YAP1: variants seen among roughly 807,000 people sequenced by gnomAD.
YAP1 encodes the protein transcriptional coactivator YAP1.
Under a neutral mutation model 56.9 loss-of-function variants are expected in YAP1, and 5 were observed. The observed-to-expected ratio is 0.09, with a 90% CI of 0.05 to 0.18. The LOEUF is 0.18. Among genes scored for constraint, YAP1 ranks in the 10% least tolerant of loss-of-function variants. The pLI is 1.00. For synonymous variants in YAP1, 265 were observed against 248.1 expected (o/e 1.07, Z -0.64); for missense variants, 539 against 651.8 (o/e 0.83, Z 1.88).
chr11:102,143,871 T>G (rs1945166813), intron 2 of YAP1, among the ~76,000 whole-genome samples: 1 of 152,224 alleles, frequency 6.6e-6, no homozygotes, highest in Non-Finnish European at 1.5e-5. Flanking sequence ...TGTCATAACC[T>G]CCTTAATGGA....
intron 2 of YAP1, among the ~76,000 whole-genome samples, chr11:102,144,615 T>A (rs1289457356): frequency 3.3e-5 from 5 of 152,212 alleles, no homozygotes; most frequent in African/African-American, 1.2e-4. Flanking sequence ...CTGAGTTGTG[T>A]GCTTGTAGAT....
At chr11:102,202,568 GA>G (rs1378793342) in intron 4 of YAP1, among the ~76,000 whole-genome samples, 1 of 151,712 alleles carries the variant, frequency 6.6e-6, no homozygotes, top group Admixed American at 6.6e-5. Context: ...AAAAGGGAAT[GA>G]ATCAAACATT....
intron 3 of YAP1, among the ~76,000 whole-genome samples, chr11:102,166,304 C>T (rs2135418167): frequency 6.6e-6 from 1 of 152,298 alleles, no homozygotes; most frequent in Non-Finnish European, 1.5e-5. Context: ...ATTACATACA[C>T]TTGTCTGTTG....
At position 102,218,046 on chromosome 11, in the gene YAP1, A is replaced by C. The variant is rs375941571; in HGVS notation, c.1033-5576A>C. Reference sequence around the variant, plus strand: ...TAGTGGCAGCTTCACAGGTGTACACACATGTCAAAACTCATCAATTTATGC... The same window carrying C: ...TAGTGGCAGCTTCACAGGTGTACACCCATGTCAAAACTCATCAATTTATGC... On this transcript the variant is annotated intron_variant, in intron 6 of 8. Coordinates refer to ENST00000282441, the MANE Select transcript of YAP1 (RefSeq NM_001130145.3). Among the ~76,000 whole-genome samples the C allele has an allele frequency of 1.3e-4, 20 of 152,312 alleles. No individual in the cohort carries two copies. In the East Asian group the frequency reaches 2.1e-3, roughly 16 times the overall value.
intron 2 of YAP1, among the ~76,000 whole-genome samples, chr11:102,154,583 A>G (rs769486276): frequency 2.0e-5 from 3 of 152,158 alleles, no homozygotes; most frequent in Non-Finnish European, 2.9e-5. Flanking sequence ...ATGGGTGACT[A>G]TTGCAAGAAT....
intron 2 of YAP1, among the ~76,000 whole-genome samples, chr11:102,147,169 C>T (rs887675676): frequency 2.6e-5 from 4 of 152,144 alleles, no homozygotes; most frequent in African/African-American, 4.8e-5. Flanking sequence ...CCAAAGTCCA[C>T]GTAACCACTG....
chr11:102,177,675 CAAAA>C (rs1022433513), intron 3 of YAP1, among the ~76,000 whole-genome samples: 9 of 54,992 alleles, frequency 1.6e-4, no homozygotes, highest in Non-Finnish European at 2.0e-4. Context: ...GACTCGGTCT[CAAAA>C]AAAAAAAAAA....
At position 102,159,433 on chromosome 11, in the gene YAP1, T is replaced by G. The variant is rs147310033; in HGVS notation, c.573-3023T>G. Among the ~76,000 whole-genome samples the G allele has an allele frequency of 7.3e-3, 1,109 of 152,370 alleles. 13 individuals are homozygous for G. Among genetic ancestry groups the G allele is most frequent in the African/African-American group, 0.025 (1,057 of 41,584 alleles). ...TCCTTGCCTTCAAACCTGTGGCATC[T>G]ACCTACTGCATCTCTTCATTACTTA... is the stretch of plus-strand genomic sequence containing the variant. On this transcript the variant is annotated intron_variant, in intron 2 of 8. Coordinates refer to ENST00000282441, the MANE Select transcript of YAP1 (RefSeq NM_001130145.3).
At position 102,147,841 on chromosome 11, in the gene YAP1, A is replaced by G. The variant is rs182659530; in HGVS notation, c.573-14615A>G. ...AACATTTCGTAACCATGTACATATT[A>G]CTTAATATTAACCACACCATTTCTC... On this transcript the variant is annotated intron_variant, in intron 2 of 8. Coordinates refer to ENST00000282441, the MANE Select transcript of YAP1 (RefSeq NM_001130145.3). Among the ~76,000 whole-genome samples, 48 of 152,284 alleles carry G rather than the reference A, an allele frequency of 3.2e-4. 3 individuals carry two copies. The East Asian group carries it at 5.2e-3, about 16-fold the overall frequency.
chr11:102,149,498 C>T (rs1945502927), intron 2 of YAP1, among the ~76,000 whole-genome samples: 1 of 152,132 alleles, frequency 6.6e-6, no homozygotes, highest in Non-Finnish European at 1.5e-5. Flanking sequence ...GAAAGACTAA[C>T]ATCAGTTATG....
At chr11:102,155,952 C>T (rs914556716) in intron 2 of YAP1, among the ~76,000 whole-genome samples, 4 of 152,266 alleles carry the variant, frequency 2.6e-5, no homozygotes, top group African/African-American at 9.6e-5. Context: ...GTCTTCCTTC[C>T]TGGTCCTTGG....
intron 2 of YAP1, among the ~76,000 whole-genome samples, chr11:102,139,278 G>T (rs1196742618): frequency 1.3e-5 from 2 of 151,820 alleles, no homozygotes; most frequent in African/African-American, 4.8e-5. Context: ...TAGTGGAGTT[G>T]TATTGGGTCT....
chr11:102,140,022 T>C (rs571002691), intron 2 of YAP1, among the ~76,000 whole-genome samples: 33 of 152,338 alleles, frequency 2.2e-4, no homozygotes, highest in African/African-American at 7.9e-4. Flanking sequence ...TAATCTGCTC[T>C]GGATAATATT....
intron 6 of YAP1, among the ~76,000 whole-genome samples, chr11:102,209,849 A>G (rs539581375): frequency 6.6e-6 from 1 of 152,320 alleles, no homozygotes; most frequent in Admixed American, 6.5e-5. Context: ...TGTACATCCT[A>G]TCAGCTAGGT....
At chr11:102,188,607 C>T (rs11225156) in intron 4 of YAP1, among the ~76,000 whole-genome samples, 46,550 of 151,938 alleles carry the variant, frequency 0.31, 7,539 homozygotes, top group East Asian at 0.41. Flanking sequence ...AAATACTACC[C>T]GTTGTGCTAC....
chr11:102,202,243 T>C (rs1283415555), intron 4 of YAP1, among the ~76,000 whole-genome samples: 1 of 151,590 alleles, frequency 6.6e-6, no homozygotes, highest in Non-Finnish European at 1.5e-5. Context: ...CAGTGCAACC[T>C]CTGTCTGCCT....
chr11:102,223,253 C>CA (rs1013718662), intron 6 of YAP1, among the ~76,000 whole-genome samples: 2,175 of 52,438 alleles, frequency 0.041, 51 homozygotes, highest in African/African-American at 0.12. Flanking sequence ...TCTTGAAGAA[C>CA]AAAAAAAAAA....
chr11:102,132,424 T>G (rs1287474964), intron 2 of YAP1, among the ~76,000 whole-genome samples: 1 of 152,262 alleles, frequency 6.6e-6, no homozygotes, highest in Non-Finnish European at 1.5e-5. Context: ...GGTATTTTTT[T>G]CATTTTTTGA....
rs1296302495 is a variant in YAP1, at chr11:102,231,542, T to C, written c.*1602T>C. On this transcript the variant is annotated 3_prime_UTR_variant, in exon 9 of 9. Coordinates refer to ENST00000282441, the MANE Select transcript of YAP1 (RefSeq NM_001130145.3). ...AATAGAGATAATCATGATTATACCT[T>C]TATTTTTACAGGAAGAGATGATGTA... 1 of 152,644 alleles carries C rather than the reference T, an allele frequency of 6.6e-6. No homozygotes were observed. The highest frequency in any genetic ancestry group is 1.9e-4 in the East Asian group (1 of 5,202). 9.5% of individuals were successfully genotyped at this position (152,644 alleles called of 1,614,324 possible). A position where few individuals can be genotyped will look rare whatever the true frequency, so the allele number is the denominator to read the frequency against.
Sources: gnomAD v4.1 joint callset for allele counts (sites outside exome capture counted in the v4.1 genomes callset) on GRCh38, gnomAD v4.1.1 for gene constraint, MANE v1.5 for transcripts, NCBI Gene and HGNC (gene_info 2026-07-23, HGNC 2026-07-21) for gene names.